SMAD7: variants seen among roughly 807,000 people sequenced by gnomAD.
SMAD7 encodes the protein SMAD family member 7.
In SMAD7, 8 loss-of-function variants were observed where a neutral mutation model predicts 38.7. That is an observed-to-expected ratio of 0.21 (90% CI 0.12 to 0.37). SMAD7 has a LOEUF of 0.37. Ranked by LOEUF, SMAD7 falls within the 10% of genes least tolerant of loss-of-function variation. The pLI is 1.00. For missense variants in SMAD7, 477 were observed against 577.9 expected (o/e 0.83, Z 1.79); for synonymous variants, 327 against 265.1 (o/e 1.23, Z -2.27).
At chr18:48,929,539 T>A (rs966529002) in intron 3 of SMAD7, among the ~76,000 whole-genome samples, 4 of 135,000 alleles carry the variant, frequency 3.0e-5, no homozygotes, top group African/African-American at 1.1e-4. Flanking sequence ...TCTCTCAATC[T>A]CTTTCTCTCT....
At chr18:48,944,076 TAATC>T (rs2070171128) in intron 2 of SMAD7, among the ~76,000 whole-genome samples, 2 of 152,314 alleles carry the variant, frequency 1.3e-5, no homozygotes, top group East Asian at 3.9e-4. Flanking sequence ...AGGATACACT[TAATC>T]AAACAGAAAA....
In SMAD7 at chr18:48,942,789, A is replaced by G. The variant is rs560711270; in HGVS notation, c.668-234T>C. The G allele has an allele frequency of 2.9e-6, 4 of 1,363,930 alleles. No individual in the cohort carries two copies. The East Asian group carries it at 1.3e-4, about 44-fold the overall frequency. 84.5% of individuals were successfully genotyped at this position (1,363,930 alleles called of 1,614,324 possible). ...CGGGCAGCCAGTTAATCATTACTCG[A>G]GTCAGGCTCAATGAGACTGGCTGGA... On this transcript the variant is annotated intron_variant, in intron 2 of 3. Transcript: ENST00000262158.
rs1319353859 is a variant in SMAD7, at chr18:48,921,754, T to C, written c.899A>G (p.Gln300Arg). Reference sequence around the variant, plus strand: ...CTGACTCTTGTTGTCCGAATTGAGCTGTCCGAGGCAAAAGCCATTCCCCTG... The same window carrying C: ...CTGACTCTTGTTGTCCGAATTGAGCCGTCCGAGGCAAAAGCCATTCCCCTG... Reference protein sequence around the residue: ...LPQGNGFCLGQLNSDNKSQLV... With the variant: ...LPQGNGFCLGRLNSDNKSQLV... The change falls in exon 4 of 4, where the codon CAG (glutamine) becomes CGG (arginine). Residue 300 changes from glutamine (Q) to arginine (R), a missense_variant. This residue lies in a region of SMAD7 where 101 missense variants were observed against 198.5 expected (regional missense o/e 0.51). Coordinates refer to ENST00000262158, the MANE Select transcript of SMAD7 (RefSeq NM_005904.4). This position sits in a 1 kb window ranked among gnomAD's most constrained non-coding sequence, Gnocchi z 6.4. The C allele has an allele frequency of 6.2e-7, 1 of 1,614,056 alleles. No homozygotes were observed. Among genetic ancestry groups the C allele is most frequent in the Non-Finnish European group, 8.5e-7 (1 of 1,180,056 alleles).
intron 2 of SMAD7, 70 bp downstream of exon 2, chr18:48,948,314 A>G: frequency 8.6e-7 from 1 of 1,158,472 alleles, no homozygotes; most frequent in Non-Finnish European, 1.2e-6. Context: ...CCTACACACA[A>G]AAAGCCACGT....
chr18:48,938,270 C>T (rs1189372134), intron 3 of SMAD7, among the ~76,000 whole-genome samples: 5 of 152,278 alleles, frequency 3.3e-5, no homozygotes, highest in East Asian at 1.9e-4. Flanking sequence ...GACTCAAGGA[C>T]GCTCCCATCC....
At chr18:48,939,330 T>C (rs1463504616) in intron 3 of SMAD7, among the ~76,000 whole-genome samples, 1 of 151,812 alleles carries the variant, frequency 6.6e-6, no homozygotes, top group African/African-American at 2.4e-5. Flanking sequence ...AAGGGTGGGG[T>C]GTGTTTCACT....
At chr18:48,924,362 G>A (rs1046550147) in intron 3 of SMAD7, among the ~76,000 whole-genome samples, 2 of 152,130 alleles carry the variant, frequency 1.3e-5, no homozygotes, top group South Asian at 2.1e-4. Context: ...TGAGATCGAG[G>A]TGCCCCCATG....
intron 3 of SMAD7, among the ~76,000 whole-genome samples, chr18:48,935,540 G>A (rs2070054401): frequency 6.6e-6 from 1 of 152,194 alleles, no homozygotes; most frequent in Non-Finnish European, 1.5e-5. Flanking sequence ...GTCTCCAGGG[G>A]CCCAGGAAGG....
At chr18:48,929,569 T>TCA (rs1555716118) in intron 3 of SMAD7, among the ~76,000 whole-genome samples, 4 of 114,624 alleles carry the variant, frequency 3.5e-5, no homozygotes, top group South Asian at 3.3e-4. Flanking sequence ...TCTCTCTCTC[T>TCA]CACTCACACA....
chr18:48,948,485 G>C lies in SMAD7; in HGVS notation c.614-48C>G, dbSNP rs1372728297. The C allele has an allele frequency of 1.4e-5, 19 of 1,374,056 alleles. No homozygotes were observed. The South Asian group carries it at 2.3e-4, about 16-fold the overall frequency. 85.1% of individuals were successfully genotyped at this position (1,374,056 alleles called of 1,614,324 possible). A position where few individuals can be genotyped will look rare whatever the true frequency, so the allele number is the denominator to read the frequency against. ...AAATAAAGGCCCAGCCATGAGAAGAGAGATAGAAACTTATGATAACAGAGG... is the reference window on the plus strand; with the variant it reads ...AAATAAAGGCCCAGCCATGAGAAGACAGATAGAAACTTATGATAACAGAGG... On this transcript the variant is annotated intron_variant, in intron 1 of 3. Transcript: ENST00000262158.
chr18:48,921,702 G>T lies in SMAD7; in HGVS notation c.951C>A (p.Ile317=), dbSNP rs755554049. 1.2e-6 allele frequency: 2 copies of T among 1,613,958 alleles called. No homozygotes were observed. The highest frequency in any genetic ancestry group is 1.7e-6 in the Non-Finnish European group (2 of 1,179,928). Residue 317 remains isoleucine (I), a synonymous_variant, in exon 4 of 4, where the codon ATC becomes ATA. Transcript: ENST00000262158. This position sits in a 1 kb window ranked among gnomAD's most constrained non-coding sequence, Gnocchi z 6.4. The part of the protein sequence containing the change: ...SQLVQKVRSK[I]GCGIQLTREV... The stretch of plus-strand genomic sequence containing the variant: ...CCCGCGTCAGCTGGATGCCGCAGCC[G>T]ATTTTGCTCCGCACCTTCTGCACCA...
intron 3 of SMAD7, among the ~76,000 whole-genome samples, chr18:48,932,945 C>A (rs984247998): frequency 6.6e-6 from 1 of 152,166 alleles, no homozygotes; most frequent in African/African-American, 2.4e-5. Flanking sequence ...GTTTCCCCAC[C>A]CCTTGGCCGT....
intron 3 of SMAD7, chr18:48,930,049 C>A (rs1316211432): frequency 2.6e-5 from 4 of 152,156 alleles, no homozygotes; most frequent in African/African-American, 4.8e-5. Context: ...AATGCAGGAT[C>A]CGATGGAAAA....
chr18:48,947,903 C>CT (rs1491303487), intron 2 of SMAD7, among the ~76,000 whole-genome samples: 10 of 149,738 alleles, frequency 6.7e-5, no homozygotes, highest in Non-Finnish European at 1.3e-4. Flanking sequence ...CCCCCCCCCC[C>CT]CTTTTACTGG....
intron 3 of SMAD7, among the ~76,000 whole-genome samples, chr18:48,929,448 G>A (rs2069965886): frequency 2.0e-5 from 3 of 152,044 alleles, no homozygotes; most frequent in African/African-American, 7.3e-5. Flanking sequence ...CACCCTGAGA[G>A]TGTAGGAGAT....
intron 2 of SMAD7, chr18:48,942,809 G>A (rs1366613248): frequency 7.7e-7 from 1 of 1,298,754 alleles, no homozygotes; most frequent in African/African-American, 1.5e-5. Flanking sequence ...AATGAGACTG[G>A]CTGGAATTTC....
At chr18:48,948,528 T>A in intron 1 of SMAD7, 91 bp from the exon 2 acceptor site, 1 of 925,320 alleles carries the variant, frequency 1.1e-6, no homozygotes, top group Non-Finnish European at 1.7e-6. Flanking sequence ...TTAGCCCAAC[T>A]GTTTGTCTTA....
intron 3 of SMAD7, among the ~76,000 whole-genome samples, chr18:48,939,673 C>T (rs1275439711): frequency 6.6e-6 from 1 of 151,964 alleles, no homozygotes; most frequent in African/African-American, 2.4e-5. Context: ...CTTCCTCCCA[C>T]CCTAAACTGA....
intron 3 of SMAD7, among the ~76,000 whole-genome samples, chr18:48,932,059 T>C (rs1490710258): frequency 3.3e-5 from 5 of 152,182 alleles, no homozygotes; most frequent in Non-Finnish European, 7.3e-5. Context: ...TATGGTGCAC[T>C]CAGATCACAC....
Sources: gnomAD v4.1 joint callset for allele counts (sites outside exome capture counted in the v4.1 genomes callset) on GRCh38, gnomAD v4.1.1 for gene constraint, gnomAD v4.1.1 regional missense constraint, Gnocchi (gnomAD v3.1) non-coding constraint, MANE v1.5 for transcripts, NCBI Gene and HGNC (gene_info 2026-07-23, HGNC 2026-07-21) for gene names.